The following SNX10 variants were observed in gnomAD, a reference collection of about 807,000 sequenced individuals.
SNX10 encodes the protein sorting nexin-10.
A neutral mutation model predicts 28.5 loss-of-function variants in SNX10; 25 were observed. That is an observed-to-expected ratio of 0.88 (90% CI 0.64 to 1.22). The LOEUF is 1.22. Ranked by LOEUF, SNX10 falls within the 50% of genes most tolerant of loss-of-function variation. The pLI is 0.00. For synonymous variants in SNX10, 62 were observed against 81.4 expected (o/e 0.76, Z 1.28); for missense variants, 223 against 242.6 (o/e 0.92, Z 0.54).
At chr7:26,352,560 A>G (rs1441699352) in intron 2 of SNX10, among the ~76,000 whole-genome samples, 2 of 152,102 alleles carry the variant, frequency 1.3e-5, no homozygotes, top group Non-Finnish European at 2.9e-5. Flanking sequence ...CACCCCACCT[A>G]TTTCCTCCTG....
chr7:26,346,474 A>T lies in SNX10; in HGVS notation c.24+8A>T. On this transcript the variant is annotated splice_region_variant and intron_variant, in intron 2 of 6. Transcript: ENST00000338523. Reference sequence around the variant, plus strand: ...CCGGAACAACAGAAAGAGGTATGTCATCACAAATCCAAAAATAAATAACCC... The same window carrying T: ...CCGGAACAACAGAAAGAGGTATGTCTTCACAAATCCAAAAATAAATAACCC... The T allele has an allele frequency of 6.3e-7, 1 of 1,597,030 alleles. No homozygotes were observed.
intron 1 of SNX10, among the ~76,000 whole-genome samples, chr7:26,338,427 G>A (rs1019729106): frequency 1.3e-5 from 2 of 151,802 alleles, no homozygotes; most frequent in South Asian, 2.1e-4. Context: ...GGAGACCAGC[G>A]TTGTTGCTGT....
chr7:26,340,891 G>T (rs1788154683), intron 1 of SNX10, among the ~76,000 whole-genome samples: 1 of 152,180 alleles, frequency 6.6e-6, no homozygotes, highest in African/African-American at 2.4e-5. Context: ...AGCCTCCTGA[G>T]TAGTTAGGAA....
At chr7:26,310,630 A>C (rs550540346) in intron 1 of SNX10, among the ~76,000 whole-genome samples, 2 of 151,270 alleles carry the variant, frequency 1.3e-5, no homozygotes, top group South Asian at 4.2e-4. Flanking sequence ...AAAGGGGAGA[A>C]TGTCGAGAGT....
At chr7:26,370,682 G>C (rs1336825524) in intron 5 of SNX10, 1 of 152,176 alleles carries the variant, frequency 6.6e-6, no homozygotes, top group African/African-American at 2.4e-5. Context: ...GGCCAAAAGA[G>C]ATTTACTTTC....
intron 1 of SNX10, among the ~76,000 whole-genome samples, chr7:26,343,951 T>G (rs559803234): frequency 1.3e-5 from 2 of 152,270 alleles, no homozygotes; most frequent in South Asian, 4.1e-4. Flanking sequence ...CCTCCATTCT[T>G]TAAAGTTTTG....
chr7:26,337,370 A>G (rs1787983161), intron 1 of SNX10, among the ~76,000 whole-genome samples: 2 of 152,230 alleles, frequency 1.3e-5, no homozygotes, highest in South Asian at 2.1e-4. Flanking sequence ...GTGTATTCAC[A>G]TTGTTGTACA....
Position 26,318,628 on chromosome 7 carries a change from T to A in SNX10, c.-24+26542T>A, listed in dbSNP as rs146514929. On this transcript the variant is annotated intron_variant, in intron 1 of 6. Coordinates refer to ENST00000338523, the MANE Select transcript of SNX10 (RefSeq NM_013322.3). ...GATTATAGGTGCCTGCCGAAAAAAATGCTTCGCTAATTTTTGTGTTTATTG... is the reference window on the plus strand; with the variant it reads ...GATTATAGGTGCCTGCCGAAAAAAAAGCTTCGCTAATTTTTGTGTTTATTG... Among the ~76,000 whole-genome samples, 428 of 152,180 alleles carry A rather than the reference T, an allele frequency of 2.8e-3. 2 individuals are homozygous for A. The highest frequency in any genetic ancestry group is 0.01 in the African/African-American group (417 of 41,522).
chr7:26,364,593 T>C lies in SNX10; in HGVS notation c.170T>C (p.Phe57Ser), dbSNP rs1789216008. ...TGTGTACGAAGAAGATATAGAGAAT[T>C]CGTGTGGCTGAGGCAGAGACTCCAA... The part of the protein sequence containing the change: ...TSCVRRRYRE[F>S]VWLRQRLQSN... Residue 57 changes from phenylalanine (F) to serine (S), a missense_variant, in exon 4 of 7, where the codon TTC becomes TCC. Phe to Ser is a radical substitution (Grantham distance 155, BLOSUM62 -2). Transcript: ENST00000338523. This position sits in a 1 kb window ranked among gnomAD's most constrained non-coding sequence, Gnocchi z 4.9. The C allele has an allele frequency of 6.2e-7, 1 of 1,614,026 alleles. No homozygotes were observed. Among genetic ancestry groups the C allele is most frequent in the Non-Finnish European group, 8.5e-7 (1 of 1,179,954 alleles).
At chr7:26,331,870 G>A (rs1402336861) in intron 1 of SNX10, among the ~76,000 whole-genome samples, 2 of 152,162 alleles carry the variant, frequency 1.3e-5, no homozygotes, top group Non-Finnish European at 2.9e-5. Flanking sequence ...TATGTAGACT[G>A]TTGTGACCGG....
chr7:26,359,743 AACC>A (rs1415061295), intron 2 of SNX10, among the ~76,000 whole-genome samples: 1 of 151,406 alleles, frequency 6.6e-6, no homozygotes, highest in Non-Finnish European at 1.5e-5. Flanking sequence ...GGCTCACTGC[AACC>A]ACCGCTTCCT....
intron 2 of SNX10, among the ~76,000 whole-genome samples, chr7:26,349,501 C>T (rs1788515139): frequency 1.3e-5 from 2 of 151,792 alleles, no homozygotes; most frequent in Non-Finnish European, 1.5e-5. Context: ...GGTTTGAATT[C>T]CCAGGAGAGC....
intron 1 of SNX10, among the ~76,000 whole-genome samples, chr7:26,340,647 A>G (rs1281203325): frequency 6.6e-6 from 1 of 152,212 alleles, no homozygotes; most frequent in African/African-American, 2.4e-5. Flanking sequence ...CAGGACTGCC[A>G]TGTTTCCCAG....
intron 1 of SNX10, among the ~76,000 whole-genome samples, chr7:26,341,687 A>G (rs1242798727): frequency 6.6e-6 from 1 of 151,928 alleles, no homozygotes; most frequent in Non-Finnish European, 1.5e-5. Flanking sequence ...GTTTCACCAT[A>G]TTGGTCAGGC....
chr7:26,292,835 A>G (rs1371730371), intron 1 of SNX10, among the ~76,000 whole-genome samples: 1 of 152,242 alleles, frequency 6.6e-6, no homozygotes. Flanking sequence ...CAGGGAGGCT[A>G]AGGCCGAGGG....
chr7:26,312,819 A>C (rs78895758), intron 1 of SNX10, among the ~76,000 whole-genome samples: 5,544 of 152,254 alleles, frequency 0.036, 198 homozygotes, highest in East Asian at 0.21. Flanking sequence ...AACACATGAA[A>C]AATGCTTGCT....
At chr7:26,353,464 G>A (rs1417416545) in intron 2 of SNX10, among the ~76,000 whole-genome samples, 1 of 101,616 alleles carries the variant, frequency 9.8e-6, no homozygotes, top group African/African-American at 4.4e-5. Context: ...TTTTTTTGGT[G>A]GGGAGACAGA....
At chr7:26,361,086 G>A in intron 3 of SNX10, 25 bp downstream of exon 3, 2 of 1,564,316 alleles carry the variant, frequency 1.3e-6, no homozygotes, top group Non-Finnish European at 1.7e-6. Flanking sequence ...AGTAGAAATA[G>A]TAATTTTGAG....
intron 1 of SNX10, among the ~76,000 whole-genome samples, chr7:26,313,854 A>T (rs1786947007): frequency 6.6e-6 from 1 of 152,074 alleles, no homozygotes; most frequent in Non-Finnish European, 1.5e-5. Flanking sequence ...GCCAGGCTGA[A>T]GTGCAGTGGA....
Sources: gnomAD v4.1 joint callset for allele counts (sites outside exome capture counted in the v4.1 genomes callset) on GRCh38, gnomAD v4.1.1 for gene constraint, Gnocchi (gnomAD v3.1) non-coding constraint, MANE v1.5 for transcripts, NCBI Gene and HGNC (gene_info 2026-07-23, HGNC 2026-07-21) for gene names.